GRIN2B: variants seen among roughly 807,000 people sequenced by gnomAD.
GRIN2B encodes glutamate receptor ionotropic, NMDA 2B.
In GRIN2B, 5 loss-of-function variants were observed where a neutral mutation model predicts 114.5. The ratio of observed to expected loss-of-function variants is 0.04; its 90% confidence interval spans 0.02 to 0.09. The LOEUF (loss-of-function observed/expected upper bound fraction) is 0.09, where lower values mean the gene tolerates loss of function less well. Among genes scored for constraint, GRIN2B ranks in the 10% least tolerant of loss-of-function variants. The pLI is 1.00. For synonymous variants in GRIN2B, 787 were observed against 745.1 expected (o/e 1.06, Z -0.92); for missense variants, 1,108 against 1,943.5 (o/e 0.57, Z 8.08).
At chr12:13,596,346 T>C (rs563827658) in intron 10 of GRIN2B, among the ~76,000 whole-genome samples, 31 of 152,298 alleles carry the variant, frequency 2.0e-4, no homozygotes, top group African/African-American at 7.2e-4. Context: ...GGGAGATGTG[T>C]AGAGGAGTTT....
intron 3 of GRIN2B, among the ~76,000 whole-genome samples, chr12:13,784,453 T>C (rs1013939077): frequency 6.6e-6 from 1 of 152,036 alleles, no homozygotes; most frequent in Non-Finnish European, 1.5e-5. Context: ...TGACAGAATT[T>C]CAACTGTCCC....
chr12:13,778,962 A>G (rs1303955038), intron 3 of GRIN2B, among the ~76,000 whole-genome samples: 1 of 152,182 alleles, frequency 6.6e-6, no homozygotes, highest in Non-Finnish European at 1.5e-5. Flanking sequence ...TAGGCTTTCT[A>G]GGTTACAGAT....
At chr12:13,580,639 C>T (rs1948835249) in intron 10 of GRIN2B, among the ~76,000 whole-genome samples, 1 of 152,162 alleles carries the variant, frequency 6.6e-6, no homozygotes, top group African/African-American at 2.4e-5. Context: ...CTGAAGACAC[C>T]ACATTTTTAC....
intron 4 of GRIN2B, among the ~76,000 whole-genome samples, chr12:13,686,185 G>T (rs574845441): frequency 6.6e-6 from 1 of 152,266 alleles, no homozygotes; most frequent in Admixed American, 6.5e-5. Context: ...AGAATAAAGA[G>T]GTTGGGGAAG....
intron 2 of GRIN2B, among the ~76,000 whole-genome samples, chr12:13,911,166 C>A (rs1866621797): frequency 6.6e-6 from 1 of 151,872 alleles, no homozygotes; most frequent in African/African-American, 2.4e-5. Context: ...GTACCTAATT[C>A]ATTTTTGTAT....
intron 10 of GRIN2B, among the ~76,000 whole-genome samples, chr12:13,574,047 C>A (rs1234804935): frequency 6.6e-6 from 1 of 152,166 alleles, no homozygotes; most frequent in African/African-American, 2.4e-5. Flanking sequence ...TAAGAAAAAT[C>A]TACAGCCAAA....
intron 10 of GRIN2B, among the ~76,000 whole-genome samples, chr12:13,605,062 C>T (rs1565472141): frequency 2.0e-5 from 3 of 151,416 alleles, no homozygotes; most frequent in Non-Finnish European, 4.4e-5. Flanking sequence ...TCCTCTCTCC[C>T]CACAGACTCT....
chr12:13,672,408 T>C (rs932255243), intron 5 of GRIN2B, among the ~76,000 whole-genome samples: 37 of 152,142 alleles, frequency 2.4e-4, no homozygotes, highest in African/African-American at 8.7e-4. Flanking sequence ...CCTGCCTCCC[T>C]GGAGTCCACT....
At chr12:13,659,022 C>T (rs1949894605) in intron 5 of GRIN2B, among the ~76,000 whole-genome samples, 1 of 152,152 alleles carries the variant, frequency 6.6e-6, no homozygotes, top group African/African-American at 2.4e-5. Flanking sequence ...CTTCCCTCTC[C>T]TTCTGTTCTC....
rs1555098068 is a variant in GRIN2B at position 13,547,959 on chromosome 12, G to GTATATATATA, written c.*14814_*14823dup. 3.3e-5 allele frequency: 3 copies of GTATATATATA among 91,476 alleles called. No homozygotes were observed. The highest frequency in any genetic ancestry group is 1.1e-4 in the African/African-American group (3 of 26,224). 5.7% of individuals were successfully genotyped at this position (91,476 alleles called of 1,614,324 possible). On this transcript the variant is annotated 3_prime_UTR_variant, in exon 14 of 14. Transcript: ENST00000609686. Reference sequence around the variant, plus strand: ...TATGTATGTATGTATGTATGTGTGTGTATATATATATATATATATATATTT... The same window carrying GTATATATATA: ...TATGTATGTATGTATGTATGTGTGTGTATATATATATATATATATATATATATATATATTT...
chr12:13,836,767 C>T (rs974874480), intron 3 of GRIN2B, among the ~76,000 whole-genome samples: 1 of 151,990 alleles, frequency 6.6e-6, no homozygotes, highest in Non-Finnish European at 1.5e-5. Flanking sequence ...GTGAGCTGAG[C>T]AGCTCCAGCA....
intron 4 of GRIN2B, among the ~76,000 whole-genome samples, chr12:13,739,309 G>A (rs1442636402): frequency 2.1e-5 from 3 of 144,940 alleles, no homozygotes; most frequent in African/African-American, 5.0e-5. Flanking sequence ...AGGAGGCGGA[G>A]GTTGTGGTGA....
intron 2 of GRIN2B, among the ~76,000 whole-genome samples, chr12:13,890,905 T>C (rs546384031): frequency 1.7e-4 from 26 of 152,180 alleles, no homozygotes; most frequent in African/African-American, 6.3e-4. Flanking sequence ...GGCTGCAAAG[T>C]CCAGTGGGCC....
chr12:13,865,736 A>T, intron 3 of GRIN2B, 62 bp downstream of exon 3: 1 of 1,355,546 alleles, frequency 7.4e-7, no homozygotes, highest in South Asian at 1.2e-5. Context: ...ACAGGAAAAC[A>T]AATGCATGGT....
chr12:13,897,678 T>C (rs1457353206), intron 2 of GRIN2B, among the ~76,000 whole-genome samples: 1 of 152,122 alleles, frequency 6.6e-6, no homozygotes, highest in Non-Finnish European at 1.5e-5. Flanking sequence ...TTGTATTAGG[T>C]AATCTTAAAG....
rs550225372 is a variant in GRIN2B, at chr12:13,891,552, G to A, written c.-18-25326C>T. Among the ~76,000 whole-genome samples the A allele has an allele frequency of 4.3e-4, 66 of 152,178 alleles. 1 individual carries two copies. The highest frequency in any genetic ancestry group is 1.5e-3 in the African/African-American group (63 of 41,520). On this transcript the variant is annotated intron_variant, in intron 2 of 13. Transcript: ENST00000609686. ...AACCTCATGGTTAAGACTGTCAGCA[G>A]TCTGCTTAATAAGTCTAAATTTAAA... is the stretch of plus-strand genomic sequence containing the variant.
At chr12:13,578,938 A>G (rs1948810581) in intron 10 of GRIN2B, among the ~76,000 whole-genome samples, 1 of 152,134 alleles carries the variant, frequency 6.6e-6, no homozygotes, top group Non-Finnish European at 1.5e-5. Context: ...AGGTTCTGAC[A>G]TGGGGGAACA....
At position 13,753,115 on chromosome 12, in the gene GRIN2B, A is replaced by G. The variant is rs1379952605; in HGVS notation, c.1010+202T>C. Among the ~76,000 whole-genome samples, 1 of 152,228 alleles carries G rather than the reference A, an allele frequency of 6.6e-6. No homozygotes were observed. The highest frequency in any genetic ancestry group is 2.4e-5 in the African/African-American group (1 of 41,456). ...CTTAGAGTAACATCTAACACATAAT[A>G]AGTGCTCAATAAATGAAAGTTGTTT... On this transcript the variant is annotated intron_variant, in intron 4 of 13. Coordinates refer to ENST00000609686, the MANE Select transcript of GRIN2B (RefSeq NM_000834.5). This position sits in a 1 kb window ranked among gnomAD's most constrained non-coding sequence, Gnocchi z 6.2.
chr12:13,940,737 G>C (rs1033457935), intron 2 of GRIN2B, among the ~76,000 whole-genome samples: 2 of 125,016 alleles, frequency 1.6e-5, no homozygotes, highest in African/African-American at 6.8e-5. Flanking sequence ...AAAGGGAGCA[G>C]GGGTGAAATT....
Sources: gnomAD v4.1 joint callset for allele counts (sites outside exome capture counted in the v4.1 genomes callset) on GRCh38, gnomAD v4.1.1 for gene constraint, Gnocchi (gnomAD v3.1) non-coding constraint, MANE v1.5 for transcripts, NCBI Gene and HGNC (gene_info 2026-07-23, HGNC 2026-07-21) for gene names.